Variants in TRPV3 observed in about 807,000 individuals in gnomAD.
The protein encoded by TRPV3 is VRL-3.
Under a neutral mutation model 87.1 loss-of-function variants are expected in TRPV3, and 88 were observed. The ratio of observed to expected loss-of-function variants is 1.01; its 90% CI spans 0.85 to 1.21. TRPV3 has a LOEUF of 1.21. Ranked by LOEUF, TRPV3 falls within the 50% of genes most tolerant of loss-of-function variation. The pLI, the probability that TRPV3 is intolerant of heterozygous loss-of-function variation, is 0.00. For missense variants in TRPV3, 1,054 were observed against 1,030.1 expected, an observed-to-expected ratio of 1.02 and a Z score of -0.32; for synonymous variants, 438 against 423.3, an observed-to-expected ratio of 1.03 and a Z score of -0.43.
At chr17:3,548,785 G>A (rs2074547295) in intron 2 of TRPV3, among the ~76,000 whole-genome samples, 1 of 152,196 alleles carries the variant, frequency 6.6e-6, no homozygotes, top group Admixed American at 6.5e-5. Context: ...CTAAAGCCTG[G>A]GTTCTAGTCC....
At chr17:3,526,997 G>T in intron 11 of TRPV3, 70 bp from the exon 12 acceptor site, 1 of 1,268,472 alleles carries the variant, frequency 7.9e-7, no homozygotes, top group Non-Finnish European at 1.1e-6. Flanking sequence ...AGCAGAGGGT[G>T]CTTCCCCAGG....
chr17:3,520,014 ACGG>A (rs2074232936), intron 14 of TRPV3, among the ~76,000 whole-genome samples: 1 of 64,808 alleles, frequency 1.5e-5, no homozygotes, highest in Admixed American at 1.5e-4. Context: ...GGATGGATGG[ACGG>A]ATAGACAGGT....
Position 3,524,148 on chromosome 17 carries a change from A to G in TRPV3, c.1743+50T>C, listed in dbSNP as rs62069862. ...TCCAGATCTCAGTTTCCCCATCTGA[A>G]AAATGGCCATCCTCCGAGGGCCCTC... On this transcript the variant is annotated intron_variant, in intron 13 of 17. Coordinates refer to ENST00000576742, the MANE Select transcript of TRPV3 (RefSeq NM_145068.4). 708,246 of 1,596,208 alleles carry G rather than the reference A, an allele frequency of 0.44. 169,735 individuals carry two copies. The highest frequency in any genetic ancestry group is 0.5 in the Non-Finnish European group (580,492 of 1,168,688).
chr17:3,554,555 T>C, intron 2 of TRPV3, 177 bp downstream of exon 2: 1 of 549,912 alleles, frequency 1.8e-6, no homozygotes, highest in Non-Finnish European at 3.2e-6. Context: ...GCCCCCTGAG[T>C]GTGCTGTGCT....
In TRPV3 at chr17:3,518,952, C is replaced by G; in HGVS notation, c.1811-102G>C. 1 of 1,294,646 alleles carries G rather than the reference C, an allele frequency of 7.7e-7. No homozygotes were observed. The highest frequency in any genetic ancestry group is 1.0e-6 in the Non-Finnish European group (1 of 954,066). The allele number at this position is 1,294,646 out of a possible 1,614,324, so 80.2% of individuals were successfully genotyped here. On this transcript the variant is annotated intron_variant, in intron 14 of 17. Transcript: ENST00000576742. The surrounding 1 kb of genome is among the most constrained non-coding windows in gnomAD (Gnocchi z 4.3). ...CATGACAAGCCTGCTGCCTCCTTCTCTCTGGCCATTAAATCCCATCTCCAG... is the reference window on the plus strand; with the variant it reads ...CATGACAAGCCTGCTGCCTCCTTCTGTCTGGCCATTAAATCCCATCTCCAG...
intron 9 of TRPV3, among the ~76,000 whole-genome samples, chr17:3,529,202 A>G (rs2074327334): frequency 6.6e-6 from 1 of 152,140 alleles, no homozygotes; most frequent in Non-Finnish European, 1.5e-5. Flanking sequence ...CAGAGGCCGC[A>G]GGAGCCCGGG....
intron 6 of TRPV3, among the ~76,000 whole-genome samples, 163 bp from the exon 7 acceptor site, chr17:3,535,876 A>G (rs928906303): frequency 6.6e-6 from 1 of 152,154 alleles, no homozygotes. Flanking sequence ...TGCTTCCTTC[A>G]TGCCTGCGCG....
In TRPV3 at chr17:3,544,630, T is replaced by G. The variant is rs2074505126; in HGVS notation, c.260A>C (p.Gln87Pro). The stretch of plus-strand genomic sequence containing the variant: ...CTCTGTCACATCATCCTGAGGAGAC[T>G]GGGGGGAGTCCATGTCATCACAGTT... ...SGNCDDMDSP[Q>P]SPQDDVTETP... The change falls in exon 4 of 18, where the codon CAG becomes CCG. Residue 87 changes from glutamine (Q) to proline (P), a missense_variant. Coordinates refer to ENST00000576742, the MANE Select transcript of TRPV3 (RefSeq NM_145068.4). The G allele has an allele frequency of 6.2e-7, 1 of 1,608,784 alleles. No individual in the cohort carries two copies. Among genetic ancestry groups the G allele is most frequent in the Non-Finnish European group, 8.5e-7 (1 of 1,178,772 alleles).
intron 13 of TRPV3, among the ~76,000 whole-genome samples, chr17:3,521,897 G>A (rs1008656228): frequency 6.6e-6 from 1 of 152,030 alleles, no homozygotes; most frequent in Non-Finnish European, 1.5e-5. Context: ...CCAACATGGC[G>A]AAACCCCGTC....
At chr17:3,531,662 A>G (rs542233779) in intron 8 of TRPV3, among the ~76,000 whole-genome samples, 1 of 152,314 alleles carries the variant, frequency 6.6e-6, no homozygotes, top group South Asian at 2.1e-4. Context: ...CACACAGGGA[A>G]GACGGCCTTG....
chr17:3,537,767 G>T (rs2074420818), intron 6 of TRPV3, among the ~76,000 whole-genome samples: 1 of 151,616 alleles, frequency 6.6e-6, no homozygotes, highest in African/African-American at 2.4e-5. Context: ...TTAGCCAAGT[G>T]TGGTGGCGGG....
intron 6 of TRPV3, among the ~76,000 whole-genome samples, chr17:3,540,022 G>A (rs2074444167): frequency 6.6e-6 from 1 of 151,794 alleles, no homozygotes; most frequent in South Asian, 2.1e-4. Flanking sequence ...TTGTGCCACT[G>A]CACTCCAGCC....
intron 14 of TRPV3, among the ~76,000 whole-genome samples, chr17:3,520,627 G>A (rs773117176): frequency 6.6e-6 from 1 of 152,128 alleles, no homozygotes; most frequent in Non-Finnish European, 1.5e-5. Flanking sequence ...TATGATCGGG[G>A]TGATGATTCC....
Position 3,532,852 on chromosome 17 carries a change from G to A in TRPV3, c.870C>T (p.Thr290=), listed in dbSNP as rs756732134. 1 of 1,614,254 alleles carries A rather than the reference G, an allele frequency of 6.2e-7. No homozygotes were observed. Among genetic ancestry groups the A allele is most frequent in the South Asian group, 1.1e-5 (1 of 91,088 alleles). ...LLMEHEQTDI[T]SRDSRGNNIL... ...TGTTGTTGCCTCGTGAGTCCCGCGA[G>A]GTGATGTCCGTCTGCTCGTGCTCCA... Residue 290 remains threonine, a synonymous_variant, in exon 8 of 18, where the codon ACC becomes ACT. Transcript: ENST00000576742.
At chr17:3,544,154 A>G (rs933021111) in intron 4 of TRPV3, among the ~76,000 whole-genome samples, 2 of 152,230 alleles carry the variant, frequency 1.3e-5, no homozygotes, top group Non-Finnish European at 2.9e-5. Context: ...GATTACAGGC[A>G]TGCGCCACCA....
At chr17:3,523,143 T>G (rs1022860576) in intron 13 of TRPV3, among the ~76,000 whole-genome samples, 34 of 152,222 alleles carry the variant, frequency 2.2e-4, no homozygotes, top group African/African-American at 8.2e-4. Context: ...GGAGAAACTA[T>G]TAATCCAGTT....
Position 3,510,776 on chromosome 17 carries a change from T to G in TRPV3, c.*3141A>C, listed in dbSNP as rs530906089. The G allele has an allele frequency of 6.6e-6, 1 of 152,300 alleles. No individual in the cohort carries two copies. Among genetic ancestry groups the G allele is most frequent in the African/African-American group, 2.4e-5 (1 of 41,574 alleles). 9.4% of individuals were successfully genotyped at this position (152,300 alleles called of 1,614,324 possible). A position where few individuals can be genotyped will look rare whatever the true frequency, so the allele number is the denominator to read the frequency against. On this transcript the variant is annotated 3_prime_UTR_variant, in exon 18 of 18. Transcript: ENST00000576742. The stretch of plus-strand genomic sequence containing the variant: ...GCTTACAGGCCCGGATGACGGCCCA[T>G]CTACCTGGGCCCTGCCCAGAGCGAA...
chr17:3,528,679 G>A lies in TRPV3; in HGVS notation c.1401+158C>T. Among the ~76,000 whole-genome samples, 1 of 152,180 alleles carries A rather than the reference G, an allele frequency of 6.6e-6. No individual in the cohort carries two copies. The highest frequency in any genetic ancestry group is 1.9e-4 in the East Asian group (1 of 5,178). On this transcript the variant is annotated intron_variant, in intron 10 of 17. Transcript: ENST00000576742. This position sits in a 1 kb window ranked among gnomAD's most constrained non-coding sequence, Gnocchi z 4.2. ...GGCTTAGCCCAGGCTAAGCACTGAA[G>A]ACATATTCAGTTCCCTGGGAAGCGT...
At chr17:3,514,532 T>G (rs2074156098) in intron 17 of TRPV3, 61 bp downstream of exon 17, 2 of 1,253,326 alleles carry the variant, frequency 1.6e-6, no homozygotes, top group Non-Finnish European at 2.3e-6. Context: ...AGACTTGATC[T>G]GCCCAAGGTT....
Sources: allele counts gnomAD v4.1 joint callset (sites outside exome capture counted in the v4.1 genomes callset), GRCh38; gene constraint gnomAD v4.1.1; non-coding constraint Gnocchi (gnomAD v3.1); transcripts MANE v1.5; gene names NCBI Gene and HGNC (gene_info 2026-07-23, HGNC 2026-07-21).